CDYL2: variants seen among roughly 807,000 people sequenced by gnomAD.
The protein encoded by CDYL2 is chromodomain Y-like protein 2.
CDYL2 carries 23 observed loss-of-function variants against 49.4 expected under a neutral mutation model. The ratio of observed to expected loss-of-function variants is 0.47; its 90% CI spans 0.34 to 0.66. The LOEUF (loss-of-function observed/expected upper bound fraction) is 0.66, where lower values mean the gene tolerates loss of function less well. Ranked by LOEUF, CDYL2 falls within the 30% of genes least tolerant of loss-of-function variation. CDYL2 has a pLI of 0.01. For synonymous variants in CDYL2, 360 were observed against 268.8 expected, an observed-to-expected ratio of 1.34 and a Z score of -3.32; for missense variants, 678 against 656.4, an observed-to-expected ratio of 1.03 and a Z score of -0.36.
At chr16:80,675,442 C>T (rs76766644) in intron 2 of CDYL2, among the ~76,000 whole-genome samples, 3,459 of 152,288 alleles carry the variant, frequency 0.023, 45 homozygotes, top group African/African-American at 0.039. Context: ...AAGAGCTAGG[C>T]GTTACCTGCA....
At chr16:80,606,369 G>C (rs1237419859) in intron 6 of CDYL2, among the ~76,000 whole-genome samples, 1 of 152,142 alleles carries the variant, frequency 6.6e-6, no homozygotes, top group Non-Finnish European at 1.5e-5. Flanking sequence ...TGTACCCTCA[G>C]GTGTCCTTCA....
At chr16:80,771,954 C>A (rs1906920190) in intron 1 of CDYL2, among the ~76,000 whole-genome samples, 1 of 152,078 alleles carries the variant, frequency 6.6e-6, no homozygotes, top group African/African-American at 2.4e-5. Flanking sequence ...ATGAGGGGAA[C>A]ACCAGCAGAA....
chr16:80,645,749 T>C (rs995253238), intron 2 of CDYL2, among the ~76,000 whole-genome samples: 7 of 151,914 alleles, frequency 4.6e-5, no homozygotes, highest in African/African-American at 1.5e-4. Context: ...TGTCCATCAA[T>C]GATAGACTGG....
intron 3 of CDYL2, among the ~76,000 whole-genome samples, chr16:80,621,614 G>T (rs1374318454): frequency 1.3e-5 from 2 of 152,354 alleles, no homozygotes; most frequent in Non-Finnish European, 2.9e-5. Context: ...TGAAAGGAAA[G>T]GTTATGCTAT....
chr16:80,769,753 T>C (rs767138786), intron 1 of CDYL2, among the ~76,000 whole-genome samples: 47 of 152,262 alleles, frequency 3.1e-4, no homozygotes, highest in Non-Finnish European at 5.4e-4. Context: ...TAAAACTAAA[T>C]AATAACAATA....
chr16:80,797,035 A>C (rs956215178), intron 1 of CDYL2, among the ~76,000 whole-genome samples: 11 of 152,108 alleles, frequency 7.2e-5, no homozygotes, highest in Admixed American at 7.2e-4. Context: ...CCCCTTGTAC[A>C]TCTGACCTTA....
chr16:80,709,235 A>G (rs1904507182), intron 1 of CDYL2, among the ~76,000 whole-genome samples: 1 of 152,304 alleles, frequency 6.6e-6, no homozygotes, highest in South Asian at 2.1e-4. Context: ...TACAAAAATT[A>G]GCTGGGTGTG....
intron 1 of CDYL2, among the ~76,000 whole-genome samples, chr16:80,713,510 A>T (rs375826118): frequency 6.6e-6 from 1 of 152,120 alleles, no homozygotes; most frequent in East Asian, 1.9e-4. Flanking sequence ...GTCCCTCTGA[A>T]CCATTGATGA....
intron 2 of CDYL2, among the ~76,000 whole-genome samples, chr16:80,648,894 C>G (rs1301023842): frequency 6.6e-6 from 1 of 152,086 alleles, no homozygotes; most frequent in African/African-American, 2.4e-5. Flanking sequence ...TGGACAAAAA[C>G]CATATGATTA....
intron 1 of CDYL2, among the ~76,000 whole-genome samples, chr16:80,760,739 C>G (rs113730752): frequency 6.6e-5 from 10 of 151,730 alleles, no homozygotes; most frequent in African/African-American, 2.2e-4. Context: ...ATAAGCCAAA[C>G]AGATCAACTA....
chr16:80,661,327 C>A (rs1229772782), intron 2 of CDYL2, among the ~76,000 whole-genome samples: 5 of 152,174 alleles, frequency 3.3e-5, no homozygotes, highest in Non-Finnish European at 7.3e-5. Context: ...TAGAAGTGAT[C>A]TACACCTGCC....
chr16:80,617,060 T>C lies in CDYL2; in HGVS notation c.1007+3703A>G, dbSNP rs1906864404. Among the ~76,000 whole-genome samples, 4 of 152,336 alleles carry C rather than the reference T, an allele frequency of 2.6e-5. No individual in the cohort carries two copies. The South Asian group carries it at 8.3e-4, about 32-fold the overall frequency. On this transcript the variant is annotated intron_variant, in intron 4 of 6. Transcript: ENST00000570137. The stretch of plus-strand genomic sequence containing the variant: ...CGTTTGAACAAGCCACCTTGTCACC[T>C]ATGACAAGTTCAGAGGAGGCAGACT...
chr16:80,613,631 T>C (rs1906700909), intron 4 of CDYL2, among the ~76,000 whole-genome samples: 1 of 152,228 alleles, frequency 6.6e-6, no homozygotes, highest in Non-Finnish European at 1.5e-5. Context: ...GAGCAAGGCA[T>C]GTACCTTTAC....
intron 1 of CDYL2, among the ~76,000 whole-genome samples, chr16:80,720,504 G>T (rs1904961617): frequency 1.3e-5 from 2 of 152,134 alleles, no homozygotes; most frequent in African/African-American, 2.4e-5. Flanking sequence ...TAGAAAGGAG[G>T]GTATGCTCGT....
chr16:80,707,660 G>C (rs886104134), intron 1 of CDYL2, among the ~76,000 whole-genome samples: 1 of 152,120 alleles, frequency 6.6e-6, no homozygotes, highest in Admixed American at 6.5e-5. Context: ...GTCTTTCTGA[G>C]TGTTCAGATC....
chr16:80,652,450 A>T (rs759937923), intron 2 of CDYL2, among the ~76,000 whole-genome samples: 10 of 152,240 alleles, frequency 6.6e-5, no homozygotes, highest in Non-Finnish European at 1.3e-4. Context: ...TAAATAAATG[A>T]TTGAATAAAT....
chr16:80,630,717 A>C (rs1434679901), intron 3 of CDYL2, among the ~76,000 whole-genome samples: 2 of 152,076 alleles, frequency 1.3e-5, no homozygotes, highest in African/African-American at 4.8e-5. Context: ...CCACAACCCC[A>C]AAGCTTTAGC....
chr16:80,657,161 A>T (rs577594832), intron 2 of CDYL2, among the ~76,000 whole-genome samples: 3 of 152,256 alleles, frequency 2.0e-5, no homozygotes, highest in Non-Finnish European at 2.9e-5. Context: ...TACTCAAAAC[A>T]TGAATTACTC....
intron 1 of CDYL2, among the ~76,000 whole-genome samples, chr16:80,708,029 G>A (rs76158528): frequency 6.6e-6 from 1 of 152,168 alleles, no homozygotes; most frequent in African/African-American, 2.4e-5. Flanking sequence ...ACACTCTTTA[G>A]GGGTGGGGCA....
Sources: allele counts gnomAD v4.1 joint callset (sites outside exome capture counted in the v4.1 genomes callset), GRCh38; gene constraint gnomAD v4.1.1; transcripts MANE v1.5; gene names NCBI Gene and HGNC (gene_info 2026-07-23, HGNC 2026-07-21).